GFRA1: variants seen among roughly 807,000 people sequenced by gnomAD.
GFRA1 encodes the protein GDNF family receptor alpha 1, also known as GDNF family receptor alpha-1.
In GFRA1, 16 loss-of-function variants were observed where a neutral mutation model predicts 51.6. The ratio of observed to expected loss-of-function variants is 0.31; its 90% confidence interval spans 0.21 to 0.47. The LOEUF is 0.47. Ranked by LOEUF, GFRA1 falls within the 20% of genes least tolerant of loss-of-function variation. The pLI is 1.00. For synonymous variants in GFRA1, 270 were observed against 241.3 expected (o/e 1.12, Z -1.10); for missense variants, 530 against 594.3 (o/e 0.89, Z 1.13).
intron 5 of GFRA1, among the ~76,000 whole-genome samples, chr10:116,209,817 T>G (rs541158651): frequency 3.8e-4 from 57 of 151,454 alleles, no homozygotes; most frequent in South Asian, 3.3e-3. Flanking sequence ...AGGTAAGGAG[T>G]GGGTACCAGC....
chr10:116,251,695 T>C (rs181421167), intron 4 of GFRA1, among the ~76,000 whole-genome samples: 49 of 152,180 alleles, frequency 3.2e-4, no homozygotes, highest in African/African-American at 1.1e-3. Context: ...GGGAGGCAAA[T>C]CTGTCAATTC....
intron 6 of GFRA1, among the ~76,000 whole-genome samples, chr10:116,098,807 T>C (rs567782927): frequency 2.0e-5 from 3 of 152,336 alleles, no homozygotes; most frequent in African/African-American, 2.4e-5. Context: ...AACCTCGGAA[T>C]TGACTCACAA....
intron 5 of GFRA1, among the ~76,000 whole-genome samples, chr10:116,201,450 T>C (rs1480730233): frequency 6.6e-6 from 1 of 152,064 alleles, no homozygotes; most frequent in Non-Finnish European, 1.5e-5. Context: ...CCTCTCAACA[T>C]CCCATAAAAA....
At chr10:116,241,940 T>C (rs1333616383) in intron 4 of GFRA1, among the ~76,000 whole-genome samples, 1 of 151,850 alleles carries the variant, frequency 6.6e-6, no homozygotes, top group Non-Finnish European at 1.5e-5. Context: ...CTTGAAAAAA[T>C]GGTCATTTCC....
intron 5 of GFRA1, among the ~76,000 whole-genome samples, chr10:116,159,191 C>T (rs994952013): frequency 2.6e-5 from 4 of 152,124 alleles, no homozygotes; most frequent in Non-Finnish European, 5.9e-5. Flanking sequence ...GTCAGGATCC[C>T]TAGTAGACCA....
At chr10:116,082,716 T>G (rs941574518) in intron 9 of GFRA1, among the ~76,000 whole-genome samples, 14 of 152,138 alleles carry the variant, frequency 9.2e-5, no homozygotes, top group Admixed American at 4.6e-4. Context: ...TGACTTCAGG[T>G]GATCTGCCGC....
rs527752826 is a variant in GFRA1 at position 116,090,460 on chromosome 10, C to A, written c.1016-538G>T. 2.2e-5 allele frequency among the ~76,000 whole-genome samples: 3 copies of A among 139,256 alleles called. No individual in the cohort carries two copies. The South Asian group carries it at 7.0e-4, about 33-fold the overall frequency. 91.4% of individuals were successfully genotyped at this position (139,256 alleles called of 152,430 possible). A position where few individuals can be genotyped will look rare whatever the true frequency, so the allele number is the denominator to read the frequency against. On this transcript the variant is annotated intron_variant, in intron 8 of 10. Coordinates refer to ENST00000355422, the MANE Select transcript of GFRA1 (RefSeq NM_005264.8). The stretch of plus-strand genomic sequence containing the variant: ...AAAAAAAAAAAAAAAAAAAACTACC[C>A]CAAATCTCATCAGTATCTAGTGAAA...
intron 5 of GFRA1, among the ~76,000 whole-genome samples, chr10:116,134,258 T>TTG (rs1343573851): frequency 6.6e-6 from 1 of 152,224 alleles, no homozygotes; most frequent in East Asian, 1.9e-4. Flanking sequence ...ATTCACAACT[T>TTG]GTTTCCTCTT....
At chr10:116,122,481 A>T (rs574950874) in intron 6 of GFRA1, among the ~76,000 whole-genome samples, 13 of 152,150 alleles carry the variant, frequency 8.5e-5, no homozygotes, top group African/African-American at 3.1e-4. Context: ...CATCACCTAA[A>T]CCATCCTGTT....
At chr10:116,107,564 C>G (rs1212499398) in intron 6 of GFRA1, among the ~76,000 whole-genome samples, 1 of 146,630 alleles carries the variant, frequency 6.8e-6, no homozygotes, top group Non-Finnish European at 1.5e-5. Flanking sequence ...AAATCATACT[C>G]CCTTTTTTTT....
intron 4 of GFRA1, among the ~76,000 whole-genome samples, chr10:116,234,216 T>G (rs1966841262): frequency 6.6e-6 from 1 of 152,206 alleles, no homozygotes; most frequent in Non-Finnish European, 1.5e-5. Flanking sequence ...GTGAAACTTT[T>G]AAAGTCCCTG....
intron 5 of GFRA1, among the ~76,000 whole-genome samples, chr10:116,181,780 G>GGCACCC (rs1555164486): frequency 6.6e-6 from 1 of 152,068 alleles, no homozygotes; most frequent in African/African-American, 2.4e-5. Flanking sequence ...TGGGACTACA[G>GGCACCC]GCGCCCGCGC....
intron 7 of GFRA1, 97 bp from the exon 8 acceptor site, chr10:116,093,933 G>A: frequency 3.5e-6 from 4 of 1,155,348 alleles, no homozygotes; most frequent in Non-Finnish European, 5.2e-6. Flanking sequence ...GATGCACCGT[G>A]GATAATTACA....
intron 5 of GFRA1, among the ~76,000 whole-genome samples, chr10:116,131,541 T>C (rs1958102563): frequency 6.6e-6 from 1 of 152,174 alleles, no homozygotes; most frequent in Non-Finnish European, 1.5e-5. Flanking sequence ...CAAACTGTGA[T>C]CTATCCACAG....
At chr10:116,223,176 G>T (rs1183204664) in intron 4 of GFRA1, among the ~76,000 whole-genome samples, 1 of 152,050 alleles carries the variant, frequency 6.6e-6, no homozygotes, top group Non-Finnish European at 1.5e-5. Flanking sequence ...CTACCCACTA[G>T]CCCCCCAGCA....
chr10:116,086,352 GC>G (rs1956099575), intron 9 of GFRA1, among the ~76,000 whole-genome samples: 1 of 152,186 alleles, frequency 6.6e-6, no homozygotes. Flanking sequence ...ACACCAAACT[GC>G]ATGTGACATT....
chr10:116,118,737 T>G (rs1471185448), intron 6 of GFRA1, among the ~76,000 whole-genome samples: 1 of 152,164 alleles, frequency 6.6e-6, no homozygotes. Flanking sequence ...CAACACAATA[T>G]GCAAATGCAA....
chr10:116,124,884 A>G (rs1248179811), intron 6 of GFRA1, among the ~76,000 whole-genome samples: 3 of 152,086 alleles, frequency 2.0e-5, no homozygotes. Context: ...TCAGGACTTG[A>G]GCAGCAGGTG....
At chr10:116,165,665 T>TCACACACA (rs56684075) in intron 5 of GFRA1, among the ~76,000 whole-genome samples, 54,436 of 149,254 alleles carry the variant, frequency 0.36, 10,031 homozygotes, top group South Asian at 0.44. Flanking sequence ...TCTCTCACTC[T>TCACACACA]CACACACACA....
Sources: gnomAD v4.1 joint callset for allele counts (sites outside exome capture counted in the v4.1 genomes callset) on GRCh38, gnomAD v4.1.1 for gene constraint, MANE v1.5 for transcripts, NCBI Gene and HGNC (gene_info 2026-07-23, HGNC 2026-07-21) for gene names.